Variants in TCF7L2 observed in about 807,000 individuals in gnomAD.
TCF7L2 encodes transcription factor 7 like 2.
TCF7L2 carries 23 observed loss-of-function variants against 77.9 expected under a neutral mutation model. The ratio of observed to expected loss-of-function variants is 0.30; its 90% CI spans 0.21 to 0.42. TCF7L2 has a LOEUF of 0.42. TCF7L2 is among the 10% of genes least tolerant of loss of function. The pLI is 1.00. For missense variants in TCF7L2, 654 were observed against 793.1 expected (o/e 0.82, Z 2.11); for synonymous variants, 413 against 340.2 (o/e 1.21, Z -2.36).
chr10:113,129,898 G>A (rs1472606511), intron 5 of TCF7L2: 4 of 1,292,230 alleles, frequency 3.1e-6, no homozygotes, highest in Non-Finnish European at 3.0e-6. Context: ...AGTGGGAATG[G>A]AAGATTTGAG....
chr10:113,032,446 A>T (rs139036220), intron 4 of TCF7L2, among the ~76,000 whole-genome samples: 15 of 152,112 alleles, frequency 9.9e-5, no homozygotes, highest in Admixed American at 9.2e-4. Flanking sequence ...TGGTGGAAAA[A>T]TTTCCTTGGA....
At chr10:113,061,110 C>A (rs2056370697) in intron 5 of TCF7L2, among the ~76,000 whole-genome samples, 1 of 152,126 alleles carries the variant, frequency 6.6e-6, no homozygotes, top group African/African-American at 2.4e-5. Flanking sequence ...AAGCCTCCAA[C>A]CTTGTGGCCC....
At position 113,127,012 on chromosome 10, in the gene TCF7L2, C is replaced by T. The variant is rs868011518; in HGVS notation, c.553-14172C>T. The T allele has an allele frequency of 8.2e-6, 7 of 849,718 alleles. No homozygotes were observed. The South Asian group carries it at 3.7e-4, about 45-fold the overall frequency. The allele number at this position is 849,718 out of a possible 1,614,324, so 52.6% of individuals were successfully genotyped here. ...ATGCTCTCAGCCTTTGCCATGTTCG[C>T]TGTCACTTTGCGGTAACTTTCAGGT... On this transcript the variant is annotated intron_variant, in intron 5 of 13. Coordinates refer to ENST00000627217, the MANE Select transcript of TCF7L2 (RefSeq NM_001146274.2).
intron 5 of TCF7L2, among the ~76,000 whole-genome samples, chr10:113,135,537 A>G (rs970031036): frequency 7.2e-5 from 11 of 152,200 alleles, no homozygotes; most frequent in Non-Finnish European, 1.2e-4. Flanking sequence ...CCTTTTAAAT[A>G]GATATTGTTT....
At chr10:113,096,718 T>C (rs1048556980) in intron 5 of TCF7L2, among the ~76,000 whole-genome samples, 1 of 152,084 alleles carries the variant, frequency 6.6e-6, no homozygotes. Context: ...ACAGCACACT[T>C]ACAGCCAGCT....
At chr10:113,144,136 GTA>G (rs1352300514) in intron 7 of TCF7L2, 111 bp downstream of exon 7, 228 of 815,520 alleles carry the variant, frequency 2.8e-4, no homozygotes, top group African/African-American at 9.6e-4. Context: ...GTGTGTGTGT[GTA>G]TGTGTGTGTG....
intron 5 of TCF7L2, among the ~76,000 whole-genome samples, chr10:113,138,511 A>G (rs898544662): frequency 5.9e-5 from 9 of 152,028 alleles, no homozygotes; most frequent in Non-Finnish European, 1.0e-4. Flanking sequence ...TTTTCCCCAC[A>G]TCTCCCCTTA....
At chr10:113,068,992 G>T (rs575435225) in intron 5 of TCF7L2, among the ~76,000 whole-genome samples, 26 of 151,454 alleles carry the variant, frequency 1.7e-4, no homozygotes, top group African/African-American at 5.8e-4. Context: ...GGGTGTTTGT[G>T]CCAAGTAGCA....
At chr10:112,956,291 A>G (rs1481776407) in intron 3 of TCF7L2, among the ~76,000 whole-genome samples, 1 of 148,678 alleles carries the variant, frequency 6.7e-6, no homozygotes, top group African/African-American at 2.5e-5. Flanking sequence ...CACAGGAAGT[A>G]GATGACATTA....
chr10:112,974,506 C>T (rs1220886463), intron 4 of TCF7L2, among the ~76,000 whole-genome samples: 1 of 152,098 alleles, frequency 6.6e-6, no homozygotes. Flanking sequence ...TGCAGTGGCG[C>T]GATCTCGGCT....
At chr10:113,117,752 G>C (rs1414005523) in intron 5 of TCF7L2, among the ~76,000 whole-genome samples, 5 of 152,026 alleles carry the variant, frequency 3.3e-5, no homozygotes, top group Non-Finnish European at 7.4e-5. Context: ...TTGAAGAAAA[G>C]ACAAGGAAGG....
intron 10 of TCF7L2, 32 bp from the exon 11 acceptor site, chr10:113,152,301 T>G (rs1564970882): frequency 6.5e-7 from 1 of 1,550,006 alleles, no homozygotes; most frequent in Non-Finnish European, 8.9e-7. Context: ...TTTGTTCATG[T>G]CTTTCTCATC....
At chr10:112,965,189 A>G (rs1480701063) in intron 4 of TCF7L2, among the ~76,000 whole-genome samples, 2 of 152,188 alleles carry the variant, frequency 1.3e-5, no homozygotes, top group Non-Finnish European at 2.9e-5. Flanking sequence ...CTGTCTATGT[A>G]TGACACTAAA....
intron 5 of TCF7L2, among the ~76,000 whole-genome samples, chr10:113,061,928 G>A (rs2056514054): frequency 1.3e-5 from 2 of 152,194 alleles, no homozygotes; most frequent in Admixed American, 1.3e-4. Flanking sequence ...GAAGTGGAGA[G>A]AGCTTTAGAA....
At chr10:113,115,903 T>C (rs949307587) in intron 5 of TCF7L2, among the ~76,000 whole-genome samples, 2 of 152,114 alleles carry the variant, frequency 1.3e-5, no homozygotes, top group African/African-American at 2.4e-5. Context: ...TCACGTCATA[T>C]TTGATTTCAT....
intron 4 of TCF7L2, among the ~76,000 whole-genome samples, chr10:113,012,376 A>G (rs1235337233): frequency 6.6e-6 from 1 of 152,140 alleles, no homozygotes; most frequent in East Asian, 1.9e-4. Flanking sequence ...AACCATCGGG[A>G]TAGTGTTCTT....
intron 13 of TCF7L2, among the ~76,000 whole-genome samples, chr10:113,162,855 G>A (rs1488115650): frequency 6.6e-6 from 1 of 152,114 alleles, no homozygotes; most frequent in African/African-American, 2.4e-5. Context: ...GCTAGAAAGG[G>A]GTTTCTAAGA....
chr10:113,009,878 G>T (rs1000536250), intron 4 of TCF7L2, among the ~76,000 whole-genome samples: 1 of 152,186 alleles, frequency 6.6e-6, no homozygotes, highest in Non-Finnish European at 1.5e-5. Flanking sequence ...CTGTTCGGCA[G>T]CATGGACTGT....
At chr10:113,044,342 T>C (rs1564820366) in intron 5 of TCF7L2, among the ~76,000 whole-genome samples, 1 of 152,252 alleles carries the variant, frequency 6.6e-6, no homozygotes, top group Non-Finnish European at 1.5e-5. Flanking sequence ...GAACCTTTGC[T>C]TTTTGTTTCT....
Sources: allele counts gnomAD v4.1 joint callset (sites outside exome capture counted in the v4.1 genomes callset), GRCh38; gene constraint gnomAD v4.1.1; transcripts MANE v1.5; gene names NCBI Gene and HGNC (gene_info 2026-07-23, HGNC 2026-07-21).